Variants in SRGAP2 observed in about 807,000 individuals in gnomAD.
SRGAP2 encodes SLIT-ROBO Rho GTPase-activating protein 2.
SRGAP2 carries 15 observed loss-of-function variants against 57.2 expected under a neutral mutation model. The ratio of observed to expected loss-of-function variants is 0.26; its 90% CI spans 0.18 to 0.40. The LOEUF is 0.40. Among genes scored for constraint, SRGAP2 ranks in the 10% least tolerant of loss-of-function variants. The probability of loss-of-function intolerance (pLI) is 1.00; values close to 1 mark genes in which losing one functional copy is unlikely to be tolerated. For missense variants in SRGAP2, 520 were observed against 669.6 expected (o/e 0.78, Z 2.47); for synonymous variants, 249 against 248.0 (o/e 1.00, Z -0.04).
chr1:206,229,925 CAT>C (rs1215812723), intron 2 of SRGAP2, among the ~76,000 whole-genome samples: 1 of 122,470 alleles, frequency 8.2e-6, no homozygotes, highest in African/African-American at 3.5e-5. Context: ...TATATGTACA[CAT>C]ACATACACAC....
At chr1:206,355,240 A>G (rs572389073) in intron 4 of SRGAP2, among the ~76,000 whole-genome samples, 1 of 152,232 alleles carries the variant, frequency 6.6e-6, no homozygotes, top group South Asian at 2.1e-4. Flanking sequence ...GTCCTGCAAA[A>G]TCTCCCATCT....
intron 3 of SRGAP2, among the ~76,000 whole-genome samples, chr1:206,319,329 T>C (rs1242448837): frequency 1.3e-5 from 2 of 150,840 alleles, no homozygotes; most frequent in East Asian, 3.9e-4. Context: ...GAGAATGGTG[T>C]GAACCCAGGA....
intron 1 of SRGAP2, 63 bp downstream of exon 1, chr1:206,203,713 C>T (rs1665546073): frequency 7.2e-7 from 1 of 1,393,346 alleles, no homozygotes; most frequent in Non-Finnish European, 9.6e-7. Flanking sequence ...CCTGACTGAA[C>T]AAACCGGGGC....
intron 14 of SRGAP2, among the ~76,000 whole-genome samples, chr1:206,432,463 C>A (rs1457457948): frequency 6.6e-6 from 1 of 152,166 alleles, no homozygotes; most frequent in Non-Finnish European, 1.5e-5. Context: ...TACAAAAATG[C>A]ATGCGCACAA....
intron 2 of SRGAP2, among the ~76,000 whole-genome samples, chr1:206,208,945 A>G (rs2102435360): frequency 6.6e-6 from 1 of 151,614 alleles, no homozygotes; most frequent in East Asian, 1.9e-4. Flanking sequence ...TTATTTGGAA[A>G]ATAGGTAAAA....
At chr1:206,279,715 C>T (rs1274446407) in intron 2 of SRGAP2, among the ~76,000 whole-genome samples, 3 of 150,676 alleles carry the variant, frequency 2.0e-5, no homozygotes, top group African/African-American at 7.4e-5. Flanking sequence ...CCACCGTGCT[C>T]GGCCCTGAAA....
chr1:206,327,242 G>T (rs1358801648), intron 3 of SRGAP2, among the ~76,000 whole-genome samples: 13 of 151,610 alleles, frequency 8.6e-5, no homozygotes, highest in African/African-American at 3.2e-4. Flanking sequence ...CAGGAGAATC[G>T]CTTGAACCCA....
chr1:206,232,244 G>C (rs1271153594), intron 2 of SRGAP2, among the ~76,000 whole-genome samples: 1 of 152,176 alleles, frequency 6.6e-6, no homozygotes, highest in African/African-American at 2.4e-5. Context: ...CAGATAGTCT[G>C]AAGCAAGTAG....
intron 2 of SRGAP2, among the ~76,000 whole-genome samples, chr1:206,279,002 G>A (rs1473942239): frequency 6.8e-6 from 1 of 146,296 alleles, no homozygotes; most frequent in Non-Finnish European, 1.5e-5. Flanking sequence ...ATGTTAGGCT[G>A]TTGGCTTTTA....
chr1:206,333,230 G>C (rs1674508753), intron 3 of SRGAP2: 2 of 706,204 alleles, frequency 2.8e-6, no homozygotes, highest in African/African-American at 3.6e-5. Context: ...TGGAAATGCA[G>C]AAATCACCCG....
At chr1:206,253,880 C>G (rs1669016084) in intron 2 of SRGAP2, among the ~76,000 whole-genome samples, 1 of 149,382 alleles carries the variant, frequency 6.7e-6, no homozygotes, top group Non-Finnish European at 1.5e-5. Flanking sequence ...GACAAAGGCT[C>G]CATTTTCAAG....
intron 17 of SRGAP2, among the ~76,000 whole-genome samples, chr1:206,442,081 G>T (rs1194765637): frequency 6.6e-6 from 1 of 152,214 alleles, no homozygotes; most frequent in East Asian, 1.9e-4. Flanking sequence ...GTGTCAGCTT[G>T]CTTCCAAGTT....
chr1:206,239,096 A>G (rs1170197578), intron 2 of SRGAP2, among the ~76,000 whole-genome samples: 2 of 150,990 alleles, frequency 1.3e-5, no homozygotes, highest in African/African-American at 4.9e-5. Context: ...CACTTTTGGG[A>G]CCCAGCAGAT....
At chr1:206,346,068 A>G (rs1477743020) in intron 4 of SRGAP2, among the ~76,000 whole-genome samples, 1 of 152,170 alleles carries the variant, frequency 6.6e-6, no homozygotes, top group Non-Finnish European at 1.5e-5. Flanking sequence ...GTTGCACATG[A>G]ATTAGAATCC....
intron 4 of SRGAP2, among the ~76,000 whole-genome samples, chr1:206,350,839 G>A (rs1245617051): frequency 2.0e-5 from 3 of 151,180 alleles, no homozygotes; most frequent in Non-Finnish European, 4.4e-5. Flanking sequence ...ACTGCAGGAA[G>A]TGGGGAATGC....
chr1:206,236,433 A>G (rs868943875), intron 2 of SRGAP2, among the ~76,000 whole-genome samples: 5 of 152,356 alleles, frequency 3.3e-5, no homozygotes, highest in African/African-American at 9.6e-5. Flanking sequence ...CAGAGATAGC[A>G]TCGCATGTCA....
chr1:206,373,650 A>G (rs1179329534), intron 4 of SRGAP2, among the ~76,000 whole-genome samples: 102 of 46,898 alleles, frequency 2.2e-3, no homozygotes, highest in African/African-American at 9.1e-3. Flanking sequence ...CAGGGGAATC[A>G]CTTGAACCCA....
At chr1:206,359,798 CTT>C (rs1166916482) in intron 4 of SRGAP2, among the ~76,000 whole-genome samples, 1,003 of 70,218 alleles carry the variant, frequency 0.014, 32 homozygotes, top group African/African-American at 0.056. Flanking sequence ...GGATATTGCT[CTT>C]TTTTTTTTTT....
chr1:206,238,921 C>T (rs1165549495), intron 2 of SRGAP2, among the ~76,000 whole-genome samples: 3 of 148,508 alleles, frequency 2.0e-5, no homozygotes, highest in Non-Finnish European at 3.0e-5. Context: ...TTGCAGGTGC[C>T]GAAACAAACA....
Sources: gnomAD v4.1 joint callset for allele counts (sites outside exome capture counted in the v4.1 genomes callset) on GRCh38, gnomAD v4.1.1 for gene constraint, MANE v1.5 for transcripts, NCBI Gene and HGNC (gene_info 2026-07-23, HGNC 2026-07-21) for gene names.